KHDRBS2: variants seen among roughly 807,000 people sequenced by gnomAD.
The protein encoded by KHDRBS2 is KH domain-containing, RNA-binding, signal transduction-associated protein 2.
KHDRBS2 carries 26 observed loss-of-function variants against 44.3 expected under a neutral mutation model. That is an observed-to-expected ratio of 0.59 (90% CI 0.43 to 0.81). The LOEUF (loss-of-function observed/expected upper bound fraction) is 0.81. Ranked by LOEUF, KHDRBS2 falls within the 40% of genes least tolerant of loss-of-function variation. The pLI is 0.00. For synonymous variants in KHDRBS2, 194 were observed against 151.1 expected, an observed-to-expected ratio of 1.28 and a Z score of -2.08; for missense variants, 476 against 433.1, an observed-to-expected ratio of 1.10 and a Z score of -0.88.
intron 6 of KHDRBS2, among the ~76,000 whole-genome samples, chr6:61,805,660 C>A (rs1408076347): frequency 7.2e-5 from 11 of 152,256 alleles, no homozygotes; most frequent in Admixed American, 5.9e-4. Context: ...TGGCAGTAGG[C>A]ACCTCTTCAC....
chr6:61,886,601 T>C (rs1347099289), intron 6 of KHDRBS2, among the ~76,000 whole-genome samples: 3 of 152,122 alleles, frequency 2.0e-5, no homozygotes, highest in Non-Finnish European at 1.5e-5. Context: ...ATGTATAACC[T>C]TTTCCCCCAA....
chr6:61,637,435 G>C, the KHDRBS2 span, among the ~76,000 whole-genome samples: 1 of 152,074 alleles, frequency 6.6e-6, no homozygotes, highest in South Asian at 2.1e-4. Flanking sequence ...GTCTATCATT[G>C]TTGGACATTT....
At chr6:61,724,305 T>C (rs1773189639) in intron 7 of KHDRBS2, among the ~76,000 whole-genome samples, 2 of 152,086 alleles carry the variant, frequency 1.3e-5, no homozygotes, top group East Asian at 3.9e-4. Flanking sequence ...TCACAAGAGC[T>C]TCTTAAAAAT....
At chr6:61,979,051 T>C (rs1020138133) in intron 3 of KHDRBS2, among the ~76,000 whole-genome samples, 13 of 152,120 alleles carry the variant, frequency 8.5e-5, no homozygotes, top group Non-Finnish European at 1.8e-4. Flanking sequence ...AGTGCAGGTG[T>C]ACAGCAAATC....
chr6:61,947,581 G>A lies in KHDRBS2; in HGVS notation c.483+30485C>T, dbSNP rs1813624199. On this transcript the variant is annotated intron_variant, in intron 4 of 8. Transcript: ENST00000281156. The stretch of plus-strand genomic sequence containing the variant: ...TTTGCAGCCAAGAATCCTTGACAGA[G>A]GAATTGAAAATTTTATTCTAGGACA... Among the ~76,000 whole-genome samples, 3 of 152,016 alleles carry A rather than the reference G, an allele frequency of 2.0e-5. No individual in the cohort carries two copies. In the South Asian group the frequency reaches 6.2e-4, roughly 31 times the overall value.
At chr6:61,762,599 C>T (rs1032111078) in intron 6 of KHDRBS2, among the ~76,000 whole-genome samples, 6 of 152,218 alleles carry the variant, frequency 3.9e-5, no homozygotes, top group African/African-American at 1.2e-4. Flanking sequence ...GCTGGCTACT[C>T]TACACCTTGT....
In KHDRBS2 at chr6:62,003,292, G is replaced by GTAAAA. The variant is rs199839595; in HGVS notation, c.337-25085_337-25081dup. ...AGACCCTGTCTTTCAAAAAAGTAAA[G>GTAAAA]TAAAATAAAATAAAATAAAATAAAA... On this transcript the variant is annotated intron_variant, in intron 3 of 8. Coordinates refer to ENST00000281156, the MANE Select transcript of KHDRBS2 (RefSeq NM_152688.4). Among the ~76,000 whole-genome samples the GTAAAA allele has an allele frequency of 2.5e-3, 385 of 151,644 alleles. 13 individuals are homozygous for GTAAAA. In the East Asian group the frequency reaches 0.06, roughly 23 times the overall value.
the KHDRBS2 span, among the ~76,000 whole-genome samples, chr6:61,603,277 C>A: frequency 5.9e-5 from 9 of 152,304 alleles, no homozygotes; most frequent in Middle Eastern, 3.4e-3. Flanking sequence ...CTATCCACCA[C>A]GTGGTGCCAA....
intron 2 of KHDRBS2, among the ~76,000 whole-genome samples, chr6:62,070,517 G>GTGTGAT (rs1420081130): frequency 6.6e-6 from 1 of 151,800 alleles, no homozygotes; most frequent in Non-Finnish European, 1.5e-5. Context: ...AGGCCCCGGT[G>GTGTGAT]TGTGATGTTC....
rs116322848 is a variant in KHDRBS2, at chr6:62,198,556, A to T, written c.92-21244T>A. 9.8e-3 allele frequency among the ~76,000 whole-genome samples: 1,490 copies of T among 152,266 alleles called. 27 individuals are homozygous for T. Among genetic ancestry groups the T allele is most frequent in the African/African-American group, 0.034 (1,395 of 41,546 alleles). ...ACCAGGAAGAAGTTGAATCTCTTGA[A>T]TAGACCAATAAAGGCTCTGAAATTG... is the stretch of plus-strand genomic sequence containing the variant. On this transcript the variant is annotated intron_variant, in intron 1 of 8. Coordinates refer to ENST00000281156, the MANE Select transcript of KHDRBS2 (RefSeq NM_152688.4).
chr6:61,879,467 T>A (rs1284011163), intron 6 of KHDRBS2, among the ~76,000 whole-genome samples: 1 of 151,958 alleles, frequency 6.6e-6, no homozygotes, highest in African/African-American at 2.4e-5. Flanking sequence ...TTCAGGCCTA[T>A]GTCTGATATA....
the KHDRBS2 span, among the ~76,000 whole-genome samples, chr6:61,638,606 T>G: frequency 6.6e-6 from 1 of 152,130 alleles, no homozygotes; most frequent in Non-Finnish European, 1.5e-5. Context: ...GGCAAGGACT[T>G]CATGTCTAAA....
the KHDRBS2 span, among the ~76,000 whole-genome samples, chr6:61,594,207 T>C: frequency 6.6e-6 from 1 of 151,402 alleles, no homozygotes; most frequent in African/African-American, 2.4e-5. Flanking sequence ...TTTTCTTAAC[T>C]CTAGAAAAGA....
intron 4 of KHDRBS2, among the ~76,000 whole-genome samples, chr6:61,954,594 A>G (rs1444587838): frequency 7.2e-6 from 1 of 139,340 alleles, no homozygotes; most frequent in Non-Finnish European, 1.6e-5. Flanking sequence ...TTATGTATAT[A>G]TACACATACA....
At chr6:61,887,440 G>T (rs1450587884) in intron 6 of KHDRBS2, among the ~76,000 whole-genome samples, 2 of 151,928 alleles carry the variant, frequency 1.3e-5, no homozygotes, top group African/African-American at 2.4e-5. Context: ...GAAGGTCAAT[G>T]AAAAAAAGCT....
the KHDRBS2 span, among the ~76,000 whole-genome samples, chr6:61,621,828 T>G: frequency 6.6e-6 from 1 of 152,212 alleles, no homozygotes; most frequent in African/African-American, 2.4e-5. Flanking sequence ...GAAAGAGAGC[T>G]TCTCTTGCTA....
intron 6 of KHDRBS2, among the ~76,000 whole-genome samples, chr6:61,826,500 G>A (rs564973373): frequency 6.6e-6 from 1 of 152,048 alleles, no homozygotes; most frequent in Admixed American, 6.5e-5. Context: ...TCAGAGAAGG[G>A]GTTTTAAAGC....
intron 3 of KHDRBS2, among the ~76,000 whole-genome samples, chr6:61,990,476 C>T (rs1193021322): frequency 6.6e-6 from 1 of 152,096 alleles, no homozygotes; most frequent in East Asian, 1.9e-4. Context: ...GGGTATATCA[C>T]ATTAAAATCT....
intron 6 of KHDRBS2, among the ~76,000 whole-genome samples, chr6:61,869,986 T>TTTTTTTTTTTTTTTTTTTTTTTTA: frequency 6.7e-6 from 1 of 150,218 alleles, no homozygotes; most frequent in African/African-American, 2.5e-5. Flanking sequence ...TTTTTTTTTT[T>TTTTTTTTTTTTTTTTTTTTTTTTA]TCCCCATACT....
Sources: allele counts gnomAD v4.1 joint callset (sites outside exome capture counted in the v4.1 genomes callset), GRCh38; gene constraint gnomAD v4.1.1; transcripts MANE v1.5; gene names NCBI Gene and HGNC (gene_info 2026-07-23, HGNC 2026-07-21).